Variants in PBX3 observed in about 807,000 individuals in gnomAD.
PBX3 encodes the protein PBX homeobox 3, also known as pre-B-cell leukemia transcription factor 3.
In PBX3, 14 loss-of-function variants were observed where a neutral mutation model predicts 48.5. The observed-to-expected ratio is 0.29, with a 90% CI of 0.19 to 0.45. The LOEUF (loss-of-function observed/expected upper bound fraction) is 0.45. Ranked by LOEUF, PBX3 falls within the 20% of genes least tolerant of loss-of-function variation. The pLI, the probability that PBX3 is intolerant of heterozygous loss-of-function variation, is 1.00. For missense variants in PBX3, 386 were observed against 546.7 expected (o/e 0.71, Z 2.93); for synonymous variants, 210 against 200.3 (o/e 1.05, Z -0.41).
chr9:125,777,749 T>C (rs1164056473), intron 2 of PBX3, among the ~76,000 whole-genome samples: 1 of 152,168 alleles, frequency 6.6e-6, no homozygotes, highest in East Asian at 1.9e-4. Flanking sequence ...ATTACTTTAC[T>C]CTCTTTCTTT....
intron 2 of PBX3, among the ~76,000 whole-genome samples, chr9:125,782,640 C>T (rs1837352709): frequency 6.6e-6 from 1 of 152,174 alleles, no homozygotes. Context: ...TGGTTATCTT[C>T]ACTGGAGTTC....
chr9:125,747,680 T>TTG (rs571971383), intron 1 of PBX3, 27 bp downstream of exon 1: 533 of 1,536,142 alleles, frequency 3.5e-4, no homozygotes, highest in African/African-American at 2.3e-3. Context: ...TAAGCATCTT[T>TTG]TGTGTGTGTG....
intron 2 of PBX3, among the ~76,000 whole-genome samples, chr9:125,847,276 G>T (rs1036537384): frequency 4.6e-5 from 7 of 151,842 alleles, no homozygotes; most frequent in Non-Finnish European, 7.4e-5. Flanking sequence ...ATACTAATTT[G>T]TGAAGAGAAA....
intron 5 of PBX3, among the ~76,000 whole-genome samples, chr9:125,955,980 G>A (rs1336493952): frequency 4.6e-5 from 7 of 152,152 alleles, no homozygotes; most frequent in Admixed American, 3.9e-4. Flanking sequence ...AAGCTGACGG[G>A]GCGTCCTGGG....
At chr9:125,804,648 A>G (rs892169536) in intron 2 of PBX3, among the ~76,000 whole-genome samples, 5 of 152,176 alleles carry the variant, frequency 3.3e-5, no homozygotes, top group African/African-American at 9.7e-5. Flanking sequence ...AAAGCGCAAT[A>G]AAGAAGACAG....
intron 2 of PBX3, among the ~76,000 whole-genome samples, chr9:125,821,808 A>G (rs1451894696): frequency 6.6e-6 from 1 of 152,078 alleles, no homozygotes; most frequent in Non-Finnish European, 1.5e-5. Flanking sequence ...TCAAGTTACT[A>G]TTCATTCTTG....
intron 2 of PBX3, among the ~76,000 whole-genome samples, chr9:125,777,377 A>G (rs912296221): frequency 5.4e-5 from 8 of 147,038 alleles, no homozygotes; most frequent in Admixed American, 5.4e-4. Flanking sequence ...TTTTTTTGAA[A>G]TGGAGTCTCA....
intron 2 of PBX3, among the ~76,000 whole-genome samples, chr9:125,812,263 A>G (rs1838312291): frequency 6.6e-6 from 1 of 152,216 alleles, no homozygotes; most frequent in Non-Finnish European, 1.5e-5. Context: ...TAGTGCTTCA[A>G]TATATGAATG....
chr9:125,914,807 A>G (rs543788504), intron 2 of PBX3, among the ~76,000 whole-genome samples: 2 of 152,218 alleles, frequency 1.3e-5, no homozygotes, highest in Non-Finnish European at 2.9e-5. Flanking sequence ...TGCTTTTTAT[A>G]CCATGATAAT....
At chr9:125,763,283 T>C (rs1462999174) in intron 2 of PBX3, among the ~76,000 whole-genome samples, 1 of 152,246 alleles carries the variant, frequency 6.6e-6, no homozygotes, top group Non-Finnish European at 1.5e-5. Context: ...TTTGTAATAA[T>C]AGCATTAATC....
chr9:125,873,069 C>T (rs768865233), intron 2 of PBX3, among the ~76,000 whole-genome samples: 10 of 151,896 alleles, frequency 6.6e-5, no homozygotes, highest in Non-Finnish European at 1.3e-4. Context: ...GGCGTGGTGG[C>T]AGGCACCTGT....
At chr9:125,781,346 C>T (rs1054581190) in intron 2 of PBX3, among the ~76,000 whole-genome samples, 3 of 151,832 alleles carry the variant, frequency 2.0e-5, no homozygotes, top group Non-Finnish European at 2.9e-5. Flanking sequence ...AGCGAAACCC[C>T]GTCTCCACCA....
Position 125,861,043 on chromosome 9 carries a change from T to C in PBX3, c.275-54643T>C, listed in dbSNP as rs951000803. Among the ~76,000 whole-genome samples the C allele has an allele frequency of 7.9e-5, 12 of 152,198 alleles. No homozygotes were observed. The East Asian group carries it at 2.1e-3, about 27-fold the overall frequency. On this transcript the variant is annotated intron_variant, in intron 2 of 8. Coordinates refer to ENST00000373489, the MANE Select transcript of PBX3 (RefSeq NM_006195.6). ...CATCATGCCTATAATCCCAGCACTT[T>C]GGGAGGCAGAGGCAGGAGGATCACT...
chr9:125,835,227 T>G (rs1359954348), intron 2 of PBX3, among the ~76,000 whole-genome samples: 1 of 152,086 alleles, frequency 6.6e-6, no homozygotes, highest in Non-Finnish European at 1.5e-5. Context: ...ATTAACTTGT[T>G]TTATTTTCAC....
chr9:125,850,604 A>T (rs1056084426), intron 2 of PBX3, among the ~76,000 whole-genome samples: 1 of 152,078 alleles, frequency 6.6e-6, no homozygotes, highest in African/African-American at 2.4e-5. Flanking sequence ...GTATGAATTT[A>T]CATTAAGAAA....
chr9:125,800,628 GAGA>G (rs1047076939), intron 2 of PBX3, among the ~76,000 whole-genome samples: 33 of 152,108 alleles, frequency 2.2e-4, no homozygotes, highest in Middle Eastern at 3.4e-3. Flanking sequence ...CTCTATCCAG[GAGA>G]AGTTTTTTTT....
At chr9:125,929,142 A>G (rs938614150) in intron 3 of PBX3, among the ~76,000 whole-genome samples, 5 of 152,124 alleles carry the variant, frequency 3.3e-5, no homozygotes, top group South Asian at 2.1e-4. Context: ...TTGGAACTTA[A>G]TATCTTCCTG....
intron 5 of PBX3, among the ~76,000 whole-genome samples, chr9:125,940,766 A>G (rs887166229): frequency 2.0e-5 from 3 of 152,210 alleles, no homozygotes; most frequent in African/African-American, 7.2e-5. Context: ...TTTCATTTAT[A>G]AAAAATAGAA....
chr9:125,915,637 T>C, intron 2 of PBX3, 49 bp from the exon 3 acceptor site: 1 of 1,435,934 alleles, frequency 7.0e-7, no homozygotes, highest in Non-Finnish European at 9.5e-7. Context: ...CTATTTGTCC[T>C]CTGTTTCTCG....
Sources: gnomAD v4.1 joint callset for allele counts (sites outside exome capture counted in the v4.1 genomes callset) on GRCh38, gnomAD v4.1.1 for gene constraint, MANE v1.5 for transcripts, NCBI Gene and HGNC (gene_info 2026-07-23, HGNC 2026-07-21) for gene names.